The following CDH18 variants were observed in gnomAD, a reference collection of about 807,000 sequenced individuals.
CDH18 encodes cadherin 18, also known as cadherin-18.
A neutral mutation model predicts 67.9 loss-of-function variants in CDH18; 31 were observed. The observed-to-expected ratio is 0.46, with a 90% confidence interval of 0.34 to 0.62. The LOEUF is 0.62. Among genes scored for constraint, CDH18 ranks in the 20% least tolerant of loss-of-function variants. The pLI, the probability that CDH18 is intolerant of heterozygous loss-of-function variation, is 0.01. For synonymous variants in CDH18, 362 were observed against 347.2 expected (o/e 1.04, Z -0.48); for missense variants, 890 against 975.5 (o/e 0.91, Z 1.17).
At chr5:20,273,047 G>A (rs1293810723) in intron 1 of CDH18, among the ~76,000 whole-genome samples, 1 of 152,012 alleles carries the variant, frequency 6.6e-6, no homozygotes, top group Non-Finnish European at 1.5e-5. Flanking sequence ...TTAGGATTGT[G>A]CAAAAGTACA....
intron 5 of CDH18, among the ~76,000 whole-genome samples, chr5:19,617,989 A>G (rs77115937): frequency 9.2e-4 from 140 of 152,294 alleles, no homozygotes; most frequent in East Asian, 2.5e-3. Context: ...TTTACCCACT[A>G]AAAAGAATCC....
intron 2 of CDH18, among the ~76,000 whole-genome samples, chr5:19,846,155 CTT>C (rs1313044020): frequency 6.6e-6 from 1 of 151,658 alleles, no homozygotes; most frequent in Non-Finnish European, 1.5e-5. Context: ...CTTCTTTCTC[CTT>C]TTTATTCATG....
At chr5:19,942,245 T>C (rs1357237481) in intron 2 of CDH18, among the ~76,000 whole-genome samples, 1 of 152,124 alleles carries the variant, frequency 6.6e-6, no homozygotes, top group Non-Finnish European at 1.5e-5. Flanking sequence ...TGTGGTCATA[T>C]TCCCTGCACT....
chr5:20,392,023 T>C, intron 1 of CDH18, among the ~76,000 whole-genome samples: 1 of 151,984 alleles, frequency 6.6e-6, no homozygotes, highest in East Asian at 1.9e-4. Flanking sequence ...CATCCATTTA[T>C]TTTTTGAAAT....
chr5:20,289,692 T>C (rs936230876), intron 1 of CDH18, among the ~76,000 whole-genome samples: 3 of 151,818 alleles, frequency 2.0e-5, no homozygotes, highest in African/African-American at 7.2e-5. Flanking sequence ...TAGAAGAAAA[T>C]ATATATTAAA....
intron 3 of CDH18, among the ~76,000 whole-genome samples, chr5:19,774,451 T>TAAAATAAAATAAAC (rs373224102): frequency 1.3e-4 from 1 of 7,948 alleles, no homozygotes; most frequent in Non-Finnish European, 4.8e-4. Context: ...ATAAAATAAA[T>TAAAATAAAATAAAC]AAATAAATCA....
intron 2 of CDH18, among the ~76,000 whole-genome samples, chr5:20,130,192 C>T (rs758464309): frequency 6.6e-6 from 1 of 151,490 alleles, no homozygotes; most frequent in Non-Finnish European, 1.5e-5. Flanking sequence ...TAGTATACTA[C>T]AGTTCTTCCC....
intron 10 of CDH18, among the ~76,000 whole-genome samples, chr5:19,511,571 C>T (rs1222276485): frequency 6.6e-6 from 1 of 151,968 alleles, no homozygotes; most frequent in Non-Finnish European, 1.5e-5. Flanking sequence ...TGTTGCAAAC[C>T]AGAATAAAAG....
At chr5:20,402,144 C>T (rs1330998446) in intron 1 of CDH18, among the ~76,000 whole-genome samples, 1 of 152,044 alleles carries the variant, frequency 6.6e-6, no homozygotes, top group Non-Finnish European at 1.5e-5. Context: ...TGTGCAGGCT[C>T]TTTTTCAACG....
chr5:19,953,082 C>A (rs74617916), intron 2 of CDH18, among the ~76,000 whole-genome samples: 3,481 of 152,080 alleles, frequency 0.023, 106 homozygotes, highest in African/African-American at 0.076. Context: ...AGCTGCTGTG[C>A]TCTAAGTATC....
At chr5:20,499,940 T>G (rs543590248) in intron 1 of CDH18, among the ~76,000 whole-genome samples, 69 of 152,266 alleles carry the variant, frequency 4.5e-4, no homozygotes, top group African/African-American at 1.6e-3. Context: ...TCCCCTCACC[T>G]TCACCAAAAG....
chr5:20,525,775 T>C (rs1414647702), intron 1 of CDH18, among the ~76,000 whole-genome samples: 1 of 148,664 alleles, frequency 6.7e-6, no homozygotes, highest in African/African-American at 2.5e-5. Flanking sequence ...AAACATATAC[T>C]TCAATTATTT....
In CDH18 at chr5:19,917,348, C is replaced by T. The variant is rs1035769159; in HGVS notation, c.-257+63712G>A. On this transcript the variant is annotated intron_variant, in intron 2 of 12. Transcript: ENST00000382275. ...TCAATTTTTTCTTTCCCCCCCCGCCCCCTTTTTTTTCTTTTCTGATCAGTG... is the reference window on the plus strand; with the variant it reads ...TCAATTTTTTCTTTCCCCCCCCGCCTCCTTTTTTTTCTTTTCTGATCAGTG... 2.0e-5 allele frequency among the ~76,000 whole-genome samples: 3 copies of T among 149,912 alleles called. No individual in the cohort carries two copies. In the East Asian group the frequency reaches 6.1e-4, roughly 30 times the overall value.
At chr5:20,478,127 G>A (rs1187210102) in intron 1 of CDH18, among the ~76,000 whole-genome samples, 1 of 152,186 alleles carries the variant, frequency 6.6e-6, no homozygotes, top group Non-Finnish European at 1.5e-5. Flanking sequence ...TGCAGGACTT[G>A]GGTGAGACCC....
chr5:19,823,281 TTAAAG>T (rs1780068284), intron 3 of CDH18, among the ~76,000 whole-genome samples: 2 of 152,232 alleles, frequency 1.3e-5, no homozygotes, highest in East Asian at 1.9e-4. Flanking sequence ...GATTAAGAGA[TTAAAG>T]TAAAGACAGG....
intron 2 of CDH18, among the ~76,000 whole-genome samples, chr5:19,938,083 CT>C (rs1212092600): frequency 1.3e-5 from 2 of 148,386 alleles, no homozygotes; most frequent in East Asian, 2.0e-4. Flanking sequence ...GATACATAGA[CT>C]TTTTTTGGGA....
chr5:20,140,630 C>A (rs545897123), intron 2 of CDH18, among the ~76,000 whole-genome samples: 35 of 152,182 alleles, frequency 2.3e-4, no homozygotes, highest in African/African-American at 8.2e-4. Context: ...ATCAGTTTCT[C>A]CAGATGTGTC....
intron 1 of CDH18, among the ~76,000 whole-genome samples, chr5:20,399,055 T>C (rs1376202439): frequency 6.6e-6 from 1 of 151,940 alleles, no homozygotes; most frequent in African/African-American, 2.4e-5. Context: ...AAAGTAAAAT[T>C]AAAAAGAAAA....
At chr5:19,944,269 A>AT (rs1353632431) in intron 2 of CDH18, among the ~76,000 whole-genome samples, 4 of 152,042 alleles carry the variant, frequency 2.6e-5, no homozygotes, top group African/African-American at 9.7e-5. Flanking sequence ...ATATTATTAC[A>AT]TTTTACCAGA....
Sources: gnomAD v4.1 joint callset for allele counts (sites outside exome capture counted in the v4.1 genomes callset) on GRCh38, gnomAD v4.1.1 for gene constraint, MANE v1.5 for transcripts, NCBI Gene and HGNC (gene_info 2026-07-23, HGNC 2026-07-21) for gene names.